Variants in EMB observed in about 807,000 individuals in gnomAD.
EMB encodes embigin homolog.
A neutral mutation model predicts 41.4 loss-of-function variants in EMB; 31 were observed. The ratio of observed to expected loss-of-function variants is 0.75; its 90% CI spans 0.56 to 1.01. EMB has a LOEUF of 1.01. Among genes scored for constraint, EMB ranks in the 50% least tolerant of loss-of-function variants. The pLI, the probability that EMB is intolerant of heterozygous loss-of-function variation, is 0.00. For synonymous variants in EMB, 137 were observed against 140.4 expected (o/e 0.98, Z 0.17); for missense variants, 379 against 388.3 (o/e 0.98, Z 0.20).
At chr5:50,424,016 G>A (rs757254159) in intron 2 of EMB, among the ~76,000 whole-genome samples, 1 of 152,026 alleles carries the variant, frequency 6.6e-6, no homozygotes, top group Non-Finnish European at 1.5e-5. Context: ...TTTTCTTCAG[G>A]TTTTCAGTTC....
At chr5:50,410,207 G>C (rs1403236899) in intron 4 of EMB, among the ~76,000 whole-genome samples, 1 of 152,050 alleles carries the variant, frequency 6.6e-6, no homozygotes, top group Non-Finnish European at 1.5e-5. Flanking sequence ...CGATAATATG[G>C]TTCACTAATC....
chr5:50,440,938 C>T, intron 1 of EMB, 102 bp downstream of exon 1: 1 of 849,322 alleles, frequency 1.2e-6, no homozygotes. Context: ...GCGCCTCTCC[C>T]CGCCACCCTT....
At chr5:50,437,926 G>GAT (rs1385161093) in intron 1 of EMB, among the ~76,000 whole-genome samples, 1 of 152,120 alleles carries the variant, frequency 6.6e-6, no homozygotes, top group Admixed American at 6.5e-5. Context: ...TACTCCCACT[G>GAT]ATATATCCTT....
At chr5:50,399,788 A>G in intron 8 of EMB, 71 bp downstream of exon 8, 1 of 1,245,362 alleles carries the variant, frequency 8.0e-7, no homozygotes, top group East Asian at 2.4e-5. Context: ...AAAAAAAGTA[A>G]CTGATTGATA....
chr5:50,441,891 A>C (rs1332766379), upstream of EMB, among the ~76,000 whole-genome samples: 1 of 152,182 alleles, frequency 6.6e-6, no homozygotes, highest in Non-Finnish European at 1.5e-5. Context: ...AAAGCTACTG[A>C]GAGTAGATAC....
At chr5:50,430,822 T>G (rs1745709492) in intron 1 of EMB, among the ~76,000 whole-genome samples, 1 of 152,132 alleles carries the variant, frequency 6.6e-6, no homozygotes, top group African/African-American at 2.4e-5. Flanking sequence ...GCTCCAATGC[T>G]GGGGCTATTC....
In EMB at chr5:50,397,883, CACT is replaced by C. The variant is rs1745097068; in HGVS notation, c.*1387_*1389del. ...ACAAAGTATTGAGCAGCTTCCAAGT[CACT>C]ACCTTATGTGTATTATTCATACTAG... On this transcript the variant is annotated 3_prime_UTR_variant, in exon 9 of 9. Transcript: ENST00000303221. 6.6e-6 allele frequency: 1 copy of C among 151,992 alleles called. No homozygotes were observed. Among genetic ancestry groups the C allele is most frequent in the Non-Finnish European group, 1.5e-5 (1 of 67,964 alleles). The allele number at this position is 151,992 out of a possible 1,614,324, so 9.4% of individuals were successfully genotyped here.
Position 50,441,247 on chromosome 5 carries a change from G to T in EMB, c.-96C>A, listed in dbSNP as rs1745907150. ...CCCTGCGCACACTCGCAGGTGGCCC[G>T]GCGCTCGCAGCCAGTGCCGCGGGTA... On this transcript the variant is annotated 5_prime_UTR_variant, in exon 1 of 9. Transcript: ENST00000303221. 2 of 694,762 alleles carry T rather than the reference G, an allele frequency of 2.9e-6. No homozygotes were observed. Among genetic ancestry groups the T allele is most frequent in the African/African-American group, 3.7e-5 (2 of 53,818 alleles). 43.0% of individuals were successfully genotyped at this position (694,762 alleles called of 1,614,324 possible).
At chr5:50,403,058 C>A (rs1248679349) in intron 6 of EMB, 120 bp downstream of exon 6, 25 of 963,028 alleles carry the variant, frequency 2.6e-5, no homozygotes, top group Non-Finnish European at 3.4e-5. Flanking sequence ...AGATTTTCCC[C>A]AAAAATCCTA....
intron 1 of EMB, chr5:50,428,459 A>C: frequency 8.7e-7 from 1 of 1,155,086 alleles, no homozygotes; most frequent in East Asian, 4.2e-5. Flanking sequence ...ACTGACTTAC[A>C]TCAGATGGCT....
intron 2 of EMB, among the ~76,000 whole-genome samples, chr5:50,425,717 G>A (rs1745599396): frequency 1.5e-5 from 1 of 66,082 alleles, no homozygotes; most frequent in African/African-American, 1.3e-4. Flanking sequence ...TTTCTGGGGG[G>A]GCAGGGGAGA....
intron 7 of EMB, among the ~76,000 whole-genome samples, chr5:50,401,630 G>A (rs1317023059): frequency 6.6e-6 from 1 of 151,860 alleles, no homozygotes; most frequent in Non-Finnish European, 1.5e-5. Flanking sequence ...TTACATCCCT[G>A]GTGATTTTAT....
chr5:50,439,487 ATTT>A lies in EMB; in HGVS notation c.112+1550_112+1552del, dbSNP rs35139912. 5.2e-4 allele frequency among the ~76,000 whole-genome samples: 72 copies of A among 137,550 alleles called. 1 individual carries two copies. The highest frequency in any genetic ancestry group is 1.1e-3 in the East Asian group (5 of 4,744). 90.2% of individuals were successfully genotyped at this position (137,550 alleles called of 152,430 possible). A position where few individuals can be genotyped will look rare whatever the true frequency, so the allele number is the denominator to read the frequency against. On this transcript the variant is annotated intron_variant, in intron 1 of 8. Coordinates refer to ENST00000303221, the MANE Select transcript of EMB (RefSeq NM_198449.3). ...GTACATCACCACAACCGCACTTTTAATTTTTTTTTTTTTTTTTTTAATAAAGAA... is the reference window on the plus strand; with the variant it reads ...GTACATCACCACAACCGCACTTTTAATTTTTTTTTTTTTTTTAATAAAGAA...
chr5:50,416,639 G>A (rs1745435606), intron 2 of EMB, among the ~76,000 whole-genome samples: 1 of 152,062 alleles, frequency 6.6e-6, no homozygotes, highest in Admixed American at 6.6e-5. Flanking sequence ...CGACGGATTC[G>A]ATGGGACAAC....
rs1745782700 is a variant in EMB, at chr5:50,435,092, A to G, written c.112+5948T>C. 3.9e-5 allele frequency among the ~76,000 whole-genome samples: 6 copies of G among 152,168 alleles called. 1 individual carries two copies. The South Asian group carries it at 1.2e-3, about 32-fold the overall frequency. On this transcript the variant is annotated intron_variant, in intron 1 of 8. Transcript: ENST00000303221. ...TTCTCAACTACTGTTTTAGTTTAAT[A>G]CCTCGGTAAACTGAAGCTTTCTCAG...
At chr5:50,419,838 A>G (rs1176401162) in intron 2 of EMB, among the ~76,000 whole-genome samples, 2 of 152,338 alleles carry the variant, frequency 1.3e-5, no homozygotes, top group East Asian at 3.9e-4. Context: ...ACGATGGAAT[A>G]CTATGCAGCC....
chr5:50,425,837 C>T (rs1464429899), intron 2 of EMB, among the ~76,000 whole-genome samples: 1 of 151,800 alleles, frequency 6.6e-6, no homozygotes, highest in Admixed American at 6.6e-5. Flanking sequence ...GTGCCCACCA[C>T]CACACTTGGC....
chr5:50,437,516 G>T (rs950250012), intron 1 of EMB, among the ~76,000 whole-genome samples: 2 of 151,968 alleles, frequency 1.3e-5, no homozygotes, highest in African/African-American at 4.8e-5. Context: ...ACATCAGTGG[G>T]TACTCATGAA....
intron 2 of EMB, among the ~76,000 whole-genome samples, chr5:50,417,685 T>A (rs1016688029): frequency 4.6e-5 from 7 of 152,176 alleles, no homozygotes; most frequent in African/African-American, 1.4e-4. Context: ...CTCCAAGTAA[T>A]CCCTGGAGAC....
Sources: gnomAD v4.1 joint callset for allele counts (sites outside exome capture counted in the v4.1 genomes callset) on GRCh38, gnomAD v4.1.1 for gene constraint, MANE v1.5 for transcripts, NCBI Gene and HGNC (gene_info 2026-07-23, HGNC 2026-07-21) for gene names.